CDKL5: variants seen among roughly 807,000 people sequenced by gnomAD.
The protein encoded by CDKL5 is cyclin dependent kinase like 5, also known as cyclin-dependent kinase-like 5.
Under a neutral mutation model 61.7 loss-of-function variants are expected in CDKL5, and 8 were observed. That is an observed-to-expected ratio of 0.13 (90% CI 0.08 to 0.23). CDKL5 has a LOEUF of 0.23. Among genes scored for constraint, CDKL5 ranks in the 10% least tolerant of loss-of-function variants. The pLI is 1.00. For synonymous variants in CDKL5, 275 were observed against 272.3 expected (o/e 1.01, Z -0.10); for missense variants, 440 against 734.5 (o/e 0.60, Z 4.63).
chrX:18,632,311 C>A lies in CDKL5; in HGVS notation c.*3554C>A. 1 of 751,893 alleles carries A rather than the reference C, an allele frequency of 1.3e-6. No homozygotes were observed. The highest frequency in any genetic ancestry group is 1.6e-6 in the Non-Finnish European group (1 of 637,169). 62.0% of individuals were successfully genotyped at this position (751,893 alleles called of 1,213,427 possible). The stretch of plus-strand genomic sequence containing the variant: ...ATACTTTGGAAGGAGACCAGAGTTA[C>A]TTTATAGGTGTTGGAGAACTTAAAT... On this transcript the variant is annotated 3_prime_UTR_variant, in exon 18 of 18. Coordinates refer to ENST00000623535, the MANE Select transcript of CDKL5 (RefSeq NM_001323289.2).
intron 1 of CDKL5, among the ~76,000 whole-genome samples, chrX:18,471,276 AG>A (rs1921085993): frequency 8.9e-6 from 1 of 112,160 alleles, no homozygotes; most frequent in Non-Finnish European, 1.9e-5. Context: ...TAATCATATC[AG>A]GGTAAATGGA....
intron 6 of CDKL5, among the ~76,000 whole-genome samples, chrX:18,580,389 C>T (rs1021612951): frequency 9.0e-6 from 1 of 111,427 alleles, no homozygotes; most frequent in African/African-American, 3.3e-5. Flanking sequence ...TAGGTGGTTC[C>T]TAAGTCACTG....
intron 3 of CDKL5, among the ~76,000 whole-genome samples, chrX:18,553,465 CG>C (rs1924473955): frequency 7.0e-4 from 64 of 90,825 alleles, no homozygotes; most frequent in African/African-American, 2.5e-3. Context: ...TGTGTGTGTG[CG>C]TGTGTGTGTG....
intron 1 of CDKL5, among the ~76,000 whole-genome samples, chrX:18,431,152 C>T (rs745389838): frequency 1.8e-5 from 2 of 111,174 alleles, no homozygotes; most frequent in Admixed American, 9.6e-5. Flanking sequence ...CATGAGCCAC[C>T]GCACCTGGCG....
At chrX:18,541,466 C>T (rs1924019688) in intron 3 of CDKL5, among the ~76,000 whole-genome samples, 1 of 112,324 alleles carries the variant, frequency 8.9e-6, no homozygotes, top group Admixed American at 9.5e-5. Flanking sequence ...TTAGTCCATT[C>T]ACTGAGTTTT....
intron 2 of CDKL5, among the ~76,000 whole-genome samples, chrX:18,509,195 A>ACGCACGCACGCGCGCG: frequency 1.5e-5 from 1 of 64,692 alleles, no homozygotes; most frequent in South Asian, 1.2e-3. Flanking sequence ...GTCTCAAAAC[A>ACGCACGCACGCGCGCG]CGCACACACA....
chrX:18,534,494 T>C (rs1923752563), intron 3 of CDKL5, among the ~76,000 whole-genome samples: 1 of 111,956 alleles, frequency 8.9e-6, no homozygotes, highest in Non-Finnish European at 1.9e-5. Context: ...CTTTTAATTA[T>C]TGTTTCCCCC....
chrX:18,587,201 C>T (rs191333930), intron 8 of CDKL5, among the ~76,000 whole-genome samples: 2 of 111,068 alleles, frequency 1.8e-5, no homozygotes, highest in African/African-American at 3.3e-5. Flanking sequence ...GTAAATTTAA[C>T]ACTCTAGATA....
intron 4 of CDKL5, among the ~76,000 whole-genome samples, chrX:18,571,818 C>T (rs1225535966): frequency 9.0e-6 from 1 of 111,588 alleles, no homozygotes; most frequent in Non-Finnish European, 1.9e-5. Flanking sequence ...TGCCTGTTCC[C>T]ATTCATTGCA....
At position 18,628,896 on chromosome X, in the gene CDKL5, T is replaced by C. The variant is rs1262190646; in HGVS notation, c.*139T>C. 9.3e-7 allele frequency: 1 copy of C among 1,070,351 alleles called. No individual in the cohort carries two copies. The highest frequency in any genetic ancestry group is 4.0e-5 in the Admixed American group (1 of 24,856). The allele number at this position is 1,070,351 out of a possible 1,213,427, so 88.2% of individuals were successfully genotyped here. A position where few individuals can be genotyped will look rare whatever the true frequency, so the allele number is the denominator to read the frequency against. ...TTATGAAGGTGTGTGCAATATTGCA[T>C]GTGTTGGGGCCGTTGAGCTCCTCGC... On this transcript the variant is annotated 3_prime_UTR_variant, in exon 18 of 18. Coordinates refer to ENST00000623535, the MANE Select transcript of CDKL5 (RefSeq NM_001323289.2).
At chrX:18,585,540 A>G (rs1925616717) in intron 8 of CDKL5, among the ~76,000 whole-genome samples, 1 of 109,124 alleles carries the variant, frequency 9.2e-6, no homozygotes, top group African/African-American at 3.6e-5. Flanking sequence ...ACATTGATCT[A>G]CTTTGTGGCC....
At chrX:18,593,348 C>A (rs1342393535) in intron 9 of CDKL5, among the ~76,000 whole-genome samples, 1 of 112,006 alleles carries the variant, frequency 8.9e-6, no homozygotes, top group Non-Finnish European at 1.9e-5. Context: ...TATAATATTT[C>A]TAATACCTTT....
At chrX:18,642,266 A>G, downstream of CDKL5, 1 of 873,064 alleles carries the variant, frequency 1.1e-6, no homozygotes, top group Non-Finnish European at 1.7e-6. Flanking sequence ...ATTAGGAAGT[A>G]GTTAAAGCAG....
At chrX:18,573,777 A>G (rs987560745) in intron 4 of CDKL5, among the ~76,000 whole-genome samples, 6 of 112,031 alleles carry the variant, frequency 5.4e-5, no homozygotes, top group African/African-American at 1.3e-4. Flanking sequence ...AGAATACTTC[A>G]TTTATGTAAC....
At chrX:18,543,037 G>T (rs1602251191) in intron 3 of CDKL5, among the ~76,000 whole-genome samples, 1 of 110,765 alleles carries the variant, frequency 9.0e-6, no homozygotes, top group Non-Finnish European at 1.9e-5. Context: ...CAGCCTCACT[G>T]ATCTCATCAG....
chrX:18,438,994 C>A (rs1353383357), intron 1 of CDKL5, among the ~76,000 whole-genome samples: 1 of 105,815 alleles, frequency 9.5e-6, no homozygotes, highest in Non-Finnish European at 1.9e-5. Context: ...CATTGCCTTG[C>A]ACATAGGAAG....
intron 1 of CDKL5, among the ~76,000 whole-genome samples, chrX:18,486,470 T>C (rs765622918): frequency 8.9e-6 from 1 of 112,326 alleles, no homozygotes; most frequent in Non-Finnish European, 1.9e-5. Flanking sequence ...TAATTGTCTA[T>C]TTTTTGCTTT....
At chrX:18,468,966 G>A (rs921833789) in intron 1 of CDKL5, among the ~76,000 whole-genome samples, 3 of 111,559 alleles carry the variant, frequency 2.7e-5, no homozygotes, top group Middle Eastern at 4.6e-3. Flanking sequence ...TATAAAAGCT[G>A]TACGAAAATG....
chrX:18,559,091 A>T (rs1009390931), intron 3 of CDKL5, among the ~76,000 whole-genome samples: 3 of 112,875 alleles, frequency 2.7e-5, no homozygotes, highest in Non-Finnish European at 5.6e-5. Context: ...TGTGCTAGCA[A>T]GCCAGGTTCT....
Sources: allele counts gnomAD v4.1 joint callset (sites outside exome capture counted in the v4.1 genomes callset), GRCh38; gene constraint gnomAD v4.1.1; transcripts MANE v1.5; gene names NCBI Gene and HGNC (gene_info 2026-07-23, HGNC 2026-07-21).